Variants in CDK14 observed in about 807,000 individuals in gnomAD.
CDK14 encodes the protein cyclin dependent kinase 14, also known as cyclin-dependent kinase 14.
CDK14 carries 34 observed loss-of-function variants against 60.7 expected under a neutral mutation model. The ratio of observed to expected loss-of-function variants is 0.56; its 90% confidence interval spans 0.43 to 0.75. The LOEUF (loss-of-function observed/expected upper bound fraction) is 0.75. Among genes scored for constraint, CDK14 ranks in the 30% least tolerant of loss-of-function variants. The probability of loss-of-function intolerance (pLI) is 0.00; values close to 1 mark genes in which losing one functional copy is unlikely to be tolerated. For missense variants in CDK14, 482 were observed against 564.1 expected (o/e 0.85, Z 1.47); for synonymous variants, 197 against 203.7 (o/e 0.97, Z 0.28).
In CDK14 at chr7:91,167,701, A is replaced by G. The variant is rs906656397; in HGVS notation, c.*29-39464A>G. Among the ~76,000 whole-genome samples the G allele has an allele frequency of 7.9e-4, 120 of 152,350 alleles. 1 individual carries two copies. The highest frequency in any genetic ancestry group is 2.8e-3 in the African/African-American group (116 of 41,576). On this transcript the variant is annotated intron_variant, in intron 14 of 14. Transcript: ENST00000380050. ...TAGATGGCTTCAGGCCCTCTGATGC[A>G]AAGAGAGGCCGTACAGCCGACTGCC...
chr7:90,672,734 G>C (rs1259704258), intron 2 of CDK14, among the ~76,000 whole-genome samples: 1 of 151,644 alleles, frequency 6.6e-6, no homozygotes, highest in African/African-American at 2.4e-5. Flanking sequence ...ATGTTCACCA[G>C]GTTGGCCTTG....
intron 2 of CDK14, among the ~76,000 whole-genome samples, chr7:90,670,937 A>G (rs1801084068): frequency 6.6e-6 from 1 of 152,194 alleles, no homozygotes; most frequent in South Asian, 2.1e-4. Flanking sequence ...AACTCATTCC[A>G]GCATTAACTT....
At chr7:90,718,709 A>T (rs1454754789) in intron 2 of CDK14, among the ~76,000 whole-genome samples, 1 of 152,194 alleles carries the variant, frequency 6.6e-6, no homozygotes, top group East Asian at 1.9e-4. Context: ...TCTTACTGCC[A>T]TCTCTGTGTA....
chr7:90,813,597 A>G (rs1212908776), intron 5 of CDK14, among the ~76,000 whole-genome samples: 1 of 152,044 alleles, frequency 6.6e-6, no homozygotes. Context: ...AAAATATTGT[A>G]AATTAGCTGG....
intron 1 of CDK14, among the ~76,000 whole-genome samples, chr7:90,602,082 C>T (rs1799328380): frequency 1.3e-5 from 2 of 152,144 alleles, no homozygotes. Context: ...GCTGGGATTA[C>T]AGGTGTGAGC....
intron 2 of CDK14, among the ~76,000 whole-genome samples, chr7:90,635,013 A>T (rs1193201863): frequency 2.0e-5 from 3 of 152,048 alleles, no homozygotes; most frequent in Non-Finnish European, 4.4e-5. Context: ...GTTGGAGTTC[A>T]TTGTAGATTC....
intron 6 of CDK14, among the ~76,000 whole-genome samples, chr7:90,888,554 G>A (rs944476755): frequency 8.6e-5 from 13 of 151,870 alleles, no homozygotes; most frequent in African/African-American, 2.2e-4. Flanking sequence ...TCTCTCTTCC[G>A]TTAGTTCTTT....
intron 2 of CDK14, among the ~76,000 whole-genome samples, chr7:90,704,633 G>T (rs1429105792): frequency 6.6e-6 from 1 of 152,048 alleles, no homozygotes; most frequent in Non-Finnish European, 1.5e-5. Flanking sequence ...TATGTTTATT[G>T]ATAAAGTTAG....
At chr7:91,154,557 A>G (rs1800925528) in intron 14 of CDK14, among the ~76,000 whole-genome samples, 1 of 152,180 alleles carries the variant, frequency 6.6e-6, no homozygotes, top group Non-Finnish European at 1.5e-5. Flanking sequence ...TATAGTATGC[A>G]GCACATCTTG....
intron 9 of CDK14, among the ~76,000 whole-genome samples, chr7:90,956,171 A>C (rs1017873022): frequency 2.6e-5 from 4 of 152,170 alleles, no homozygotes; most frequent in Non-Finnish European, 4.4e-5. Flanking sequence ...GAGTATGTTT[A>C]AATTTGCAAC....
chr7:90,876,972 G>C (rs1008084914), intron 6 of CDK14, among the ~76,000 whole-genome samples: 28 of 152,208 alleles, frequency 1.8e-4, no homozygotes, highest in African/African-American at 6.5e-4. Flanking sequence ...CACAAGAGCA[G>C]TGTCTGAAGG....
At chr7:91,126,461 A>C (rs567390820) in intron 14 of CDK14, among the ~76,000 whole-genome samples, 1 of 152,320 alleles carries the variant, frequency 6.6e-6, no homozygotes, top group African/African-American at 2.4e-5. Flanking sequence ...AAGTATTATA[A>C]TCATCCCTAG....
chr7:90,926,040 T>C (rs1429234605), intron 8 of CDK14, among the ~76,000 whole-genome samples: 1 of 152,212 alleles, frequency 6.6e-6, no homozygotes, highest in East Asian at 1.9e-4. Flanking sequence ...AAGTTAACAT[T>C]GTGCCTGTTA....
intron 5 of CDK14, among the ~76,000 whole-genome samples, chr7:90,834,995 A>G (rs1468283494): frequency 6.6e-6 from 1 of 152,206 alleles, no homozygotes; most frequent in African/African-American, 2.4e-5. Flanking sequence ...GTGAATGTAG[A>G]CAGAAAAGAG....
intron 14 of CDK14, among the ~76,000 whole-genome samples, chr7:91,185,326 C>G (rs997042182): frequency 8.8e-5 from 5 of 56,916 alleles, no homozygotes; most frequent in African/African-American, 2.0e-4. Flanking sequence ...GTCGATAGCC[C>G]CTATGCATCT....
At chr7:90,907,788 T>C (rs1426872345) in intron 7 of CDK14, among the ~76,000 whole-genome samples, 2 of 152,064 alleles carry the variant, frequency 1.3e-5, no homozygotes, top group African/African-American at 2.4e-5. Context: ...TATTTTTCTT[T>C]AATAGACCAG....
At chr7:90,816,859 T>A (rs1483709775) in intron 5 of CDK14, among the ~76,000 whole-genome samples, 1 of 152,194 alleles carries the variant, frequency 6.6e-6, no homozygotes, top group Non-Finnish European at 1.5e-5. Context: ...TTAGTGGTGA[T>A]GTAATCTGTT....
intron 2 of CDK14, among the ~76,000 whole-genome samples, chr7:90,659,375 G>C (rs1289876058): frequency 3.3e-5 from 5 of 152,244 alleles, no homozygotes; most frequent in African/African-American, 1.2e-4. Context: ...GACCCCAAAG[G>C]GTTAGATTAT....
chr7:90,693,872 T>C (rs1801604361), intron 2 of CDK14, among the ~76,000 whole-genome samples: 1 of 152,218 alleles, frequency 6.6e-6, no homozygotes, highest in Non-Finnish European at 1.5e-5. Flanking sequence ...ACCTTGGTCC[T>C]TGATTTATTT....
Sources: gnomAD v4.1 joint callset for allele counts (sites outside exome capture counted in the v4.1 genomes callset) on GRCh38, gnomAD v4.1.1 for gene constraint, MANE v1.5 for transcripts, NCBI Gene and HGNC (gene_info 2026-07-23, HGNC 2026-07-21) for gene names.